The following SLC5A8 variants were observed in gnomAD, a reference collection of about 807,000 sequenced individuals.
SLC5A8 encodes the protein sodium-coupled monocarboxylate transporter 1.
SLC5A8 carries 55 observed loss-of-function variants against 71.9 expected under a neutral mutation model. The ratio of observed to expected loss-of-function variants is 0.77; its 90% CI spans 0.62 to 0.96. SLC5A8 has a LOEUF of 0.96. SLC5A8 is among the 40% of genes least tolerant of loss of function. The pLI is 0.00. For missense variants in SLC5A8, 701 were observed against 745.3 expected (o/e 0.94, Z 0.69); for synonymous variants, 307 against 276.1 (o/e 1.11, Z -1.11).
chr12:101,180,604 T>A (rs1011500862), intron 9 of SLC5A8, among the ~76,000 whole-genome samples: 1 of 152,204 alleles, frequency 6.6e-6, no homozygotes, highest in Non-Finnish European at 1.5e-5. Flanking sequence ...TTTAGCCCCC[T>A]CATAATCTCC....
At position 101,158,588 on chromosome 12, in the gene SLC5A8, CTCTCTCTCTCTATATATATA is replaced by C. The variant is rs1174169200; in HGVS notation, c.1631-280_1631-261del. Among the ~76,000 whole-genome samples, 321 of 38,002 alleles carry C rather than the reference CTCTCTCTCTCTATATATATA, an allele frequency of 8.4e-3. 1 individual carries two copies. The highest frequency in any genetic ancestry group is 0.014 in the Middle Eastern group (1 of 70). The allele number at this position is 38,002 out of a possible 152,430, so 24.9% of individuals were successfully genotyped here. A position where few individuals can be genotyped will look rare whatever the true frequency, so the allele number is the denominator to read the frequency against. ...TCTCTCTCTCTCTCTCTCTCTCTCTCTCTCTCTCTCTATATATATATATATATATATATATATATATATAT... is the reference window on the plus strand; with the variant it reads ...TCTCTCTCTCTCTCTCTCTCTCTCTCTATATATATATATATATATATATAT... On this transcript the variant is annotated intron_variant, in intron 13 of 14. Coordinates refer to ENST00000536262, the MANE Select transcript of SLC5A8 (RefSeq NM_145913.5).
chr12:101,188,333 AG>A (rs1868750716), intron 6 of SLC5A8, among the ~76,000 whole-genome samples: 2 of 152,226 alleles, frequency 1.3e-5, no homozygotes, highest in South Asian at 4.1e-4. Context: ...CTTAATAATC[AG>A]TTGAATAGTA....
At chr12:101,198,554 TAA>T (rs373958678) in intron 3 of SLC5A8, among the ~76,000 whole-genome samples, 1 of 151,928 alleles carries the variant, frequency 6.6e-6, no homozygotes, top group African/African-American at 2.4e-5. Flanking sequence ...AAGCATTCCC[TAA>T]AAAATACAAT....
At chr12:101,189,612 C>G (rs539748144) in intron 6 of SLC5A8, among the ~76,000 whole-genome samples, 2 of 152,140 alleles carry the variant, frequency 1.3e-5, no homozygotes, top group East Asian at 3.9e-4. Flanking sequence ...GAGAAGGAAC[C>G]AGCCACCATT....
chr12:101,201,908 T>A (rs116114555), intron 3 of SLC5A8, among the ~76,000 whole-genome samples: 1 of 152,148 alleles, frequency 6.6e-6, no homozygotes, highest in Non-Finnish European at 1.5e-5. Context: ...AAGGAGTGAA[T>A]GGGCTGATGG....
At chr12:101,171,869 G>A (rs1036339482) in intron 10 of SLC5A8, among the ~76,000 whole-genome samples, 2 of 152,194 alleles carry the variant, frequency 1.3e-5, no homozygotes, top group East Asian at 3.9e-4. Context: ...CAGGCCACCC[G>A]GAGTAGCAGC....
At chr12:101,164,930 G>A (rs2051755533) in intron 12 of SLC5A8, among the ~76,000 whole-genome samples, 1 of 152,130 alleles carries the variant, frequency 6.6e-6, no homozygotes, top group African/African-American at 2.4e-5. Context: ...AAGTCTTCAT[G>A]CTAACTTACA....
At chr12:101,200,603 A>C (rs1869418315) in intron 3 of SLC5A8, among the ~76,000 whole-genome samples, 1 of 152,140 alleles carries the variant, frequency 6.6e-6, no homozygotes, top group Admixed American at 6.5e-5. Flanking sequence ...TGAAATTAAG[A>C]AATTAATATT....
chr12:101,195,748 G>C (rs1869147503), intron 3 of SLC5A8, among the ~76,000 whole-genome samples: 2 of 139,294 alleles, frequency 1.4e-5, no homozygotes, highest in Admixed American at 1.5e-4. Context: ...CCAGGCTGGA[G>C]TGCAGTGGTG....
At chr12:101,207,557 A>T (rs1869724881) in intron 1 of SLC5A8, among the ~76,000 whole-genome samples, 1 of 152,112 alleles carries the variant, frequency 6.6e-6, no homozygotes, top group Non-Finnish European at 1.5e-5. Flanking sequence ...TTTCTGCTTG[A>T]GTTAATGTTG....
Position 101,158,295 on chromosome 12 carries a change from A to G in SLC5A8, c.1664T>C (p.Ile555Thr), listed in dbSNP as rs1242542710. ...GRKQNLDPRY[I>T]LTKEDFLSNF... The stretch of plus-strand genomic sequence containing the variant: ...GGATAAAAAGTCCTCTTTGGTTAGT[A>G]TGTATCTGGGGTCTAAGTTCTGTTT... Residue 555 changes from isoleucine (I) to threonine (T), a missense_variant, in exon 14 of 15, where the codon ATA (isoleucine) becomes ACA (threonine). Coordinates refer to ENST00000536262, the MANE Select transcript of SLC5A8 (RefSeq NM_145913.5). 1 of 1,594,586 alleles carries G rather than the reference A, an allele frequency of 6.3e-7. No homozygotes were observed. The highest frequency in any genetic ancestry group is 2.2e-5 in the East Asian group (1 of 44,510).
chr12:101,158,813 T>A (rs1022017645), intron 13 of SLC5A8, among the ~76,000 whole-genome samples: 1 of 150,842 alleles, frequency 6.6e-6, no homozygotes, highest in Non-Finnish European at 1.5e-5. Context: ...GAGCTGCTTT[T>A]CCCCACTTTG....
chr12:101,182,517 A>G (rs1385991969), intron 9 of SLC5A8, among the ~76,000 whole-genome samples: 4 of 152,220 alleles, frequency 2.6e-5, no homozygotes, highest in Admixed American at 2.0e-4. Context: ...GATAGGATGA[A>G]GGCACAGGAA....
intron 10 of SLC5A8, among the ~76,000 whole-genome samples, chr12:101,168,631 T>C (rs2051796279): frequency 6.6e-6 from 1 of 152,234 alleles, no homozygotes; most frequent in East Asian, 1.9e-4. Context: ...CCTGATTTGA[T>C]TCCCTAAGGA....
rs1020015790 is a variant in SLC5A8, at chr12:101,156,019, T to G, written c.*1260A>C. The G allele has an allele frequency of 6.6e-6, 1 of 152,112 alleles. No individual in the cohort carries two copies. The highest frequency in any genetic ancestry group is 1.5e-5 in the Non-Finnish European group (1 of 68,016). The allele number at this position is 152,112 out of a possible 1,614,324, so 9.4% of individuals were successfully genotyped here. A position where few individuals can be genotyped will look rare whatever the true frequency, so the allele number is the denominator to read the frequency against. On this transcript the variant is annotated 3_prime_UTR_variant, in exon 15 of 15. Transcript: ENST00000536262. ...ATGTGGGAACTGTACAAAAAATAAG[T>G]TATTGATGAACTCCTATAACCAAAC...
chr12:101,163,764 G>A (rs996621386), intron 12 of SLC5A8, among the ~76,000 whole-genome samples: 9 of 152,230 alleles, frequency 5.9e-5, no homozygotes, highest in African/African-American at 2.2e-4. Context: ...GTGATATTGA[G>A]CCAAAGACAG....
intron 7 of SLC5A8, among the ~76,000 whole-genome samples, chr12:101,186,829 G>C (rs900222705): frequency 1.3e-5 from 2 of 152,178 alleles, no homozygotes; most frequent in Non-Finnish European, 2.9e-5. Flanking sequence ...CCTTGGGTAA[G>C]TTATATAACC....
rs1397350538 is a variant in SLC5A8, at chr12:101,204,492, C to T, written c.417+8G>A. ...GACAAAAGATAAAATAAATGGAGAG[C>T]TACTTACTGTTTGAACAATGAAGAG... is the stretch of plus-strand genomic sequence containing the variant. On this transcript the variant is annotated splice_region_variant and intron_variant, in intron 2 of 14. Coordinates refer to ENST00000536262, the MANE Select transcript of SLC5A8 (RefSeq NM_145913.5). 1 of 1,589,202 alleles carries T rather than the reference C, an allele frequency of 6.3e-7. No individual in the cohort carries two copies. Among genetic ancestry groups the T allele is most frequent in the Non-Finnish European group, 8.5e-7 (1 of 1,169,876 alleles).
At chr12:101,174,145 C>T in intron 10 of SLC5A8, among the ~76,000 whole-genome samples, 1 of 152,134 alleles carries the variant, frequency 6.6e-6, no homozygotes, top group Non-Finnish European at 1.5e-5. Flanking sequence ...CCCCAGTCAC[C>T]CTTTCCCAGT....
Sources: gnomAD v4.1 joint callset for allele counts (sites outside exome capture counted in the v4.1 genomes callset) on GRCh38, gnomAD v4.1.1 for gene constraint, MANE v1.5 for transcripts, NCBI Gene and HGNC (gene_info 2026-07-23, HGNC 2026-07-21) for gene names.